Variants in UVRAG observed in about 807,000 individuals in gnomAD.
The protein encoded by UVRAG is UV radiation resistance-associated gene protein.
In UVRAG, 19 loss-of-function variants were observed where a neutral mutation model predicts 78.0. That is an observed-to-expected ratio of 0.24 (90% CI 0.17 to 0.36). The LOEUF is 0.36. Among genes scored for constraint, UVRAG ranks in the 10% least tolerant of loss-of-function variants. UVRAG has a pLI of 1.00. For missense variants in UVRAG, 740 were observed against 853.8 expected (o/e 0.87, Z 1.66); for synonymous variants, 323 against 324.6 (o/e 1.00, Z 0.05).
chr11:76,075,446 A>G (rs1951386676), intron 13 of UVRAG, among the ~76,000 whole-genome samples: 1 of 151,996 alleles, frequency 6.6e-6, no homozygotes, highest in Non-Finnish European at 1.5e-5. Context: ...CCCTGTCTCT[A>G]CTAAAAAAAT....
chr11:76,053,779 G>A (rs1258867760), intron 12 of UVRAG, among the ~76,000 whole-genome samples: 4 of 152,092 alleles, frequency 2.6e-5, no homozygotes, highest in African/African-American at 9.7e-5. Flanking sequence ...AGACCAGCCT[G>A]GCCAACATGG....
chr11:75,834,953 T>C (rs2135828861), intron 1 of UVRAG, among the ~76,000 whole-genome samples: 1 of 152,300 alleles, frequency 6.6e-6, no homozygotes, highest in South Asian at 2.1e-4. Context: ...GCTGGGATTA[T>C]GTGAGCCACC....
At chr11:76,086,044 G>A (rs74927382) in intron 13 of UVRAG, among the ~76,000 whole-genome samples, 10,807 of 152,106 alleles carry the variant, frequency 0.071, 736 homozygotes, top group African/African-American at 0.18. Context: ...CATTCCCTCA[G>A]TAAGCAGATA....
chr11:75,918,561 A>G (rs1947910383), intron 6 of UVRAG, among the ~76,000 whole-genome samples: 1 of 152,172 alleles, frequency 6.6e-6, no homozygotes, highest in Admixed American at 6.5e-5. Context: ...TTGTATAATC[A>G]ATAACTATCA....
intron 13 of UVRAG, among the ~76,000 whole-genome samples, chr11:76,082,508 C>G (rs1951514518): frequency 7.1e-6 from 1 of 140,996 alleles, no homozygotes; most frequent in African/African-American, 2.7e-5. Context: ...CCACTGCACT[C>G]CAGCCTGGGC....
rs538317902 is a variant in UVRAG, at chr11:76,048,250, C to A, written c.1227-17460C>A. On this transcript the variant is annotated intron_variant, in intron 12 of 14. Transcript: ENST00000356136. Reference sequence around the variant, plus strand: ...ATTTATGAAGCCTAGATCCTTTTAGCTTTACTTAACAGCTAACATCTGACT... The same window carrying A: ...ATTTATGAAGCCTAGATCCTTTTAGATTTACTTAACAGCTAACATCTGACT... Among the ~76,000 whole-genome samples the A allele has an allele frequency of 3.3e-5, 5 of 152,302 alleles. No individual in the cohort carries two copies. In the East Asian group the frequency reaches 9.6e-4, roughly 29 times the overall value.
rs368842515 is a variant in UVRAG, at chr11:76,016,947, A to G, written c.1193A>G (p.Asn398Ser). The G allele has an allele frequency of 5.0e-6, 8 of 1,607,372 alleles. No individual in the cohort carries two copies. The highest frequency in any genetic ancestry group is 2.2e-5 in the East Asian group (1 of 44,724). Residue 398 changes from asparagine to serine, a missense_variant, in exon 12 of 15, where the codon AAT becomes AGT. Coordinates refer to ENST00000356136, the MANE Select transcript of UVRAG (RefSeq NM_003369.4). ...GGGTCTAGATCAACAATCAAAGACA[A>G]TATCAATGACAAACTGACGGAAAAG... ...HKGSRSTIKD[N>S]INDKLTEKER... is the part of the protein sequence containing the mutation.
intron 1 of UVRAG, among the ~76,000 whole-genome samples, chr11:75,818,127 GTCC>G (rs780774507): frequency 8.8e-4 from 134 of 152,110 alleles, no homozygotes; most frequent in Non-Finnish European, 1.5e-3. Flanking sequence ...CATCCTGGAA[GTCC>G]TCCTATGTTC....
intron 13 of UVRAG, among the ~76,000 whole-genome samples, chr11:76,076,156 G>C (rs1951400214): frequency 6.6e-6 from 1 of 152,112 alleles, no homozygotes; most frequent in African/African-American, 2.4e-5. Context: ...TAAATTTGAG[G>C]AATTGCCAGA....
chr11:75,819,225 T>C (rs1171481030), intron 1 of UVRAG, among the ~76,000 whole-genome samples: 2 of 152,232 alleles, frequency 1.3e-5, no homozygotes, highest in Non-Finnish European at 2.9e-5. Context: ...ATAGTCCATA[T>C]CAGCCCCTTG....
chr11:75,837,319 T>C (rs1331677203), intron 1 of UVRAG, among the ~76,000 whole-genome samples: 1 of 128,086 alleles, frequency 7.8e-6, no homozygotes, highest in Middle Eastern at 3.9e-3. Context: ...AGAGTGAGAC[T>C]CTGTCTCAAA....
intron 12 of UVRAG, among the ~76,000 whole-genome samples, chr11:76,050,893 A>G (rs1950852446): frequency 6.6e-6 from 1 of 152,214 alleles, no homozygotes; most frequent in Admixed American, 6.5e-5. Context: ...ACAAGTGAAT[A>G]ACAAAGTTCT....
chr11:75,961,314 CTAGATAA>C, intron 6 of UVRAG, 123 bp from the exon 7 acceptor site: 1 of 684,188 alleles, frequency 1.5e-6, no homozygotes, highest in Admixed American at 3.4e-5. Context: ...TGCGAATATG[CTAGATAA>C]TTAAAAATCA....
At chr11:76,112,292 T>C (rs1043102980) in intron 13 of UVRAG, among the ~76,000 whole-genome samples, 2 of 152,192 alleles carry the variant, frequency 1.3e-5, no homozygotes, top group Admixed American at 1.3e-4. Flanking sequence ...AGAAATACTT[T>C]GGAACTACCT....
At chr11:75,919,532 T>C (rs1019793943) in intron 6 of UVRAG, among the ~76,000 whole-genome samples, 7 of 152,232 alleles carry the variant, frequency 4.6e-5, no homozygotes, top group African/African-American at 1.4e-4. Context: ...TATTAGCTAC[T>C]GTCCTACCTT....
chr11:75,906,172 G>A (rs1424058147), intron 5 of UVRAG, among the ~76,000 whole-genome samples: 2 of 151,996 alleles, frequency 1.3e-5, no homozygotes, highest in Non-Finnish European at 2.9e-5. Context: ...AATTGATAGT[G>A]TCCTTTGATG....
Position 75,899,095 on chromosome 11 carries a change from G to C in UVRAG, c.507+10192G>C, listed in dbSNP as rs906760249. 2.6e-5 allele frequency among the ~76,000 whole-genome samples: 4 copies of C among 152,088 alleles called. No individual in the cohort carries two copies. In the East Asian group the frequency reaches 7.7e-4, roughly 29 times the overall value. On this transcript the variant is annotated intron_variant, in intron 5 of 14. Coordinates refer to ENST00000356136, the MANE Select transcript of UVRAG (RefSeq NM_003369.4). ...AAAAGTCCATTCCTATGCATATTCT[G>C]TTTGGTTTTCCTTTCCCCTGCCTTA...
chr11:76,075,817 A>T (rs61894367), intron 13 of UVRAG, among the ~76,000 whole-genome samples: 3,186 of 152,240 alleles, frequency 0.021, 50 homozygotes, highest in Middle Eastern at 0.041. Flanking sequence ...TGTTCTGGAC[A>T]TTTCTTACAA....
At chr11:76,035,196 G>A (rs1459474794) in intron 12 of UVRAG, among the ~76,000 whole-genome samples, 6 of 152,112 alleles carry the variant, frequency 3.9e-5, no homozygotes, top group Admixed American at 1.3e-4. Context: ...AAACTTTTTA[G>A]AAGCCACCTC....
Sources: allele counts gnomAD v4.1 joint callset (sites outside exome capture counted in the v4.1 genomes callset), GRCh38; gene constraint gnomAD v4.1.1; transcripts MANE v1.5; gene names NCBI Gene and HGNC (gene_info 2026-07-23, HGNC 2026-07-21).